GRID2: variants seen among roughly 807,000 people sequenced by gnomAD.
GRID2 encodes glutamate ionotropic receptor delta type subunit 2.
GRID2 carries 33 observed loss-of-function variants against 114.8 expected under a neutral mutation model. The observed-to-expected ratio is 0.29, with a 90% CI of 0.22 to 0.38. The LOEUF (loss-of-function observed/expected upper bound fraction) is 0.38. Ranked by LOEUF, GRID2 falls within the 10% of genes least tolerant of loss-of-function variation. GRID2 has a pLI of 1.00. For synonymous variants in GRID2, 505 were observed against 449.9 expected (o/e 1.12, Z -1.55); for missense variants, 1,184 against 1,257.7 (o/e 0.94, Z 0.89).
At chr4:92,524,890 T>G (rs561657695) in intron 1 of GRID2, among the ~76,000 whole-genome samples, 230 of 152,098 alleles carry the variant, frequency 1.5e-3, no homozygotes, top group Non-Finnish European at 3.1e-3. Flanking sequence ...TGAATGGAAA[T>G]TATACGAATT....
chr4:92,757,373 T>C (rs1406395601), intron 2 of GRID2, among the ~76,000 whole-genome samples: 1 of 152,066 alleles, frequency 6.6e-6, no homozygotes. Context: ...ATTCAAAATT[T>C]TCTTTGGAAA....
In GRID2 at chr4:93,184,507, CAAAAAA is replaced by C. The variant is rs1170737672; in HGVS notation, c.736-22879_736-22874del. On this transcript the variant is annotated intron_variant, in intron 4 of 15. Coordinates refer to ENST00000282020, the MANE Select transcript of GRID2 (RefSeq NM_001510.4). ...AGTTCACTTTAGCCATATTATTTCT[CAAAAAA>C]AAAAAAAAAAAAAAAAACTCACAGG... Among the ~76,000 whole-genome samples the C allele has an allele frequency of 5.1e-3, 407 of 79,570 alleles. 3 individuals are homozygous for C. The highest frequency in any genetic ancestry group is 0.015 in the African/African-American group (389 of 26,806). The allele number at this position is 79,570 out of a possible 152,430, so 52.2% of individuals were successfully genotyped here. A position where few individuals can be genotyped will look rare whatever the true frequency, so the allele number is the denominator to read the frequency against.
chr4:93,724,543 G>A (rs907854267), intron 14 of GRID2, among the ~76,000 whole-genome samples: 1 of 152,082 alleles, frequency 6.6e-6, no homozygotes, highest in African/African-American at 2.4e-5. Context: ...CAAATTACAT[G>A]TAATTTCTCT....
chr4:92,652,840 T>C (rs1732014574), intron 2 of GRID2, among the ~76,000 whole-genome samples: 1 of 134,698 alleles, frequency 7.4e-6, no homozygotes, highest in East Asian at 2.3e-4. Flanking sequence ...TATAAATTTA[T>C]AAATATATAT....
At chr4:93,135,399 G>C (rs138190606) in intron 4 of GRID2, among the ~76,000 whole-genome samples, 24 of 152,218 alleles carry the variant, frequency 1.6e-4, no homozygotes, top group Non-Finnish European at 2.1e-4. Context: ...TCAGTTGTTG[G>C]TGGCCAAGAT....
At chr4:92,965,035 A>T (rs190895948) in intron 2 of GRID2, among the ~76,000 whole-genome samples, 1 of 152,080 alleles carries the variant, frequency 6.6e-6, no homozygotes, top group East Asian at 1.9e-4. Context: ...CATCAAGCCT[A>T]ATATTTTCTA....
intron 2 of GRID2, among the ~76,000 whole-genome samples, chr4:92,924,076 A>G (rs1749604509): frequency 6.6e-6 from 1 of 152,370 alleles, no homozygotes; most frequent in South Asian, 2.1e-4. Context: ...GCCATAAAAA[A>G]GGATAAGTTC....
chr4:92,802,877 T>G (rs1200611942), intron 2 of GRID2, among the ~76,000 whole-genome samples: 2 of 151,988 alleles, frequency 1.3e-5, no homozygotes, highest in African/African-American at 4.8e-5. Flanking sequence ...AGAATAAGTC[T>G]GAACCACTAG....
chr4:93,453,241 T>C (rs1722867163), intron 10 of GRID2, among the ~76,000 whole-genome samples: 1 of 151,294 alleles, frequency 6.6e-6, no homozygotes, highest in Non-Finnish European at 1.5e-5. Context: ...ATTACAGTGT[T>C]CTGCTGTATC....
intron 12 of GRID2, among the ~76,000 whole-genome samples, chr4:93,494,578 G>A (rs1487060158): frequency 6.6e-6 from 1 of 151,726 alleles, no homozygotes; most frequent in African/African-American, 2.4e-5. Flanking sequence ...ATTTTCCCTG[G>A]AAAAGATAAC....
At chr4:92,601,330 A>G (rs960345856) in intron 2 of GRID2, among the ~76,000 whole-genome samples, 1 of 152,182 alleles carries the variant, frequency 6.6e-6, no homozygotes, top group Admixed American at 6.6e-5. Flanking sequence ...ATAACAAACA[A>G]TATCTCATAC....
At chr4:92,793,170 G>A (rs984945498) in intron 2 of GRID2, among the ~76,000 whole-genome samples, 4 of 151,800 alleles carry the variant, frequency 2.6e-5, no homozygotes, top group African/African-American at 9.6e-5. Flanking sequence ...AATCTTGGAC[G>A]TTTTCTGCCT....
intron 10 of GRID2, among the ~76,000 whole-genome samples, chr4:93,452,948 T>G (rs927069229): frequency 3.3e-5 from 5 of 151,674 alleles, no homozygotes; most frequent in Non-Finnish European, 7.4e-5. Flanking sequence ...TGCAGGTTAG[T>G]TACATATGTA....
intron 2 of GRID2, among the ~76,000 whole-genome samples, chr4:92,819,841 T>C (rs754009167): frequency 6.6e-6 from 1 of 152,150 alleles, no homozygotes; most frequent in Non-Finnish European, 1.5e-5. Flanking sequence ...AATAAGCTTA[T>C]AAATTATTAG....
intron 14 of GRID2, among the ~76,000 whole-genome samples, chr4:93,660,387 T>C (rs1468365257): frequency 1.3e-5 from 2 of 152,194 alleles, no homozygotes; most frequent in Non-Finnish European, 2.9e-5. Flanking sequence ...AAAGGAGCCT[T>C]TTTTATAATT....
intron 2 of GRID2, among the ~76,000 whole-genome samples, chr4:92,923,505 A>T (rs1560705945): frequency 2.6e-5 from 4 of 151,628 alleles, no homozygotes; most frequent in African/African-American, 9.7e-5. Flanking sequence ...ATTAGAAATC[A>T]ATAAAAAAAT....
At chr4:93,803,101 A>T (rs1734964030) in intron 1 of GRID2, among the ~76,000 whole-genome samples, 1 of 152,232 alleles carries the variant, frequency 6.6e-6, no homozygotes, top group African/African-American at 2.4e-5. Context: ...GGAATTTTGT[A>T]GCCTGAAGGA....
In GRID2 at chr4:92,545,918, T is replaced by C. The variant is rs528474163; in HGVS notation, c.89-44213T>C. Among the ~76,000 whole-genome samples the C allele has an allele frequency of 4.6e-5, 7 of 152,320 alleles. No individual in the cohort carries two copies. The South Asian group carries it at 1.2e-3, about 27-fold the overall frequency. ...TCCAAATGAAAAATATTACTGGCAC[T>C]GTTCCCAAATTTATTTTTCCTCAAT... is the stretch of plus-strand genomic sequence containing the variant. On this transcript the variant is annotated intron_variant, in intron 1 of 15. Transcript: ENST00000282020.
chr4:93,118,684 G>A lies in GRID2; in HGVS notation c.735+7731G>A, dbSNP rs150286103. ...CATCTGAAAAGAATTTATTGAAAAC[G>A]GCTTACCATGGATTATATGATAGAA... On this transcript the variant is annotated intron_variant, in intron 4 of 15. Coordinates refer to ENST00000282020, the MANE Select transcript of GRID2 (RefSeq NM_001510.4). Among the ~76,000 whole-genome samples the A allele has an allele frequency of 5.3e-5, 8 of 152,196 alleles. No individual in the cohort carries two copies. In the East Asian group the frequency reaches 9.6e-4, roughly 18 times the overall value.
Sources: allele counts gnomAD v4.1 joint callset (sites outside exome capture counted in the v4.1 genomes callset), GRCh38; gene constraint gnomAD v4.1.1; transcripts MANE v1.5; gene names NCBI Gene and HGNC (gene_info 2026-07-23, HGNC 2026-07-21).